The following ITGBL1 variants were observed in gnomAD, a reference collection of about 807,000 sequenced individuals.
ITGBL1 encodes integrin beta-like protein 1.
Under a neutral mutation model 68.5 loss-of-function variants are expected in ITGBL1, and 51 were observed. The observed-to-expected ratio is 0.74, with a 90% CI of 0.59 to 0.94. The LOEUF is 0.94. ITGBL1 is among the 40% of genes least tolerant of loss of function. The pLI is 0.00. For synonymous variants in ITGBL1, 209 were observed against 227.3 expected (o/e 0.92, Z 0.72); for missense variants, 649 against 647.4 (o/e 1.00, Z -0.03).
chr13:101,502,500 T>C (rs8002643), intron 2 of ITGBL1, among the ~76,000 whole-genome samples: 96,751 of 151,998 alleles, frequency 0.64, 31,177 homozygotes, highest in South Asian at 0.7. Flanking sequence ...TTCAGAATGG[T>C]CTCTTAGGTA....
At chr13:101,613,866 G>T (rs1454663860) in intron 7 of ITGBL1, among the ~76,000 whole-genome samples, 1 of 152,154 alleles carries the variant, frequency 6.6e-6, no homozygotes, top group East Asian at 1.9e-4. Context: ...TCACCACTCT[G>T]CAGGGTTGTA....
At chr13:101,717,677 T>A (rs1290171017), downstream of ITGBL1, 2 of 152,108 alleles carry the variant, frequency 1.3e-5, no homozygotes, top group African/African-American at 4.8e-5. Flanking sequence ...TTTGTTGGTT[T>A]CTGTTTAATA....
chr13:101,594,831 T>C (rs2050715745), intron 6 of ITGBL1, among the ~76,000 whole-genome samples: 1 of 152,156 alleles, frequency 6.6e-6, no homozygotes, highest in Non-Finnish European at 1.5e-5. Context: ...CCCAGCACTT[T>C]GGGAGGCCGA....
chr13:101,600,879 G>A (rs1353415978), intron 7 of ITGBL1, among the ~76,000 whole-genome samples: 1 of 152,152 alleles, frequency 6.6e-6, no homozygotes, highest in Non-Finnish European at 1.5e-5. Context: ...TGTTCATCAG[G>A]GATATTGGTC....
At chr13:101,570,084 T>C (rs1470754804) in intron 3 of ITGBL1, among the ~76,000 whole-genome samples, 1 of 152,170 alleles carries the variant, frequency 6.6e-6, no homozygotes, top group Admixed American at 6.5e-5. Context: ...TAGTTGGCAC[T>C]CAGTATTCCA....
intron 2 of ITGBL1, among the ~76,000 whole-genome samples, chr13:101,552,991 G>T (rs1298230676): frequency 6.6e-6 from 1 of 152,306 alleles, no homozygotes; most frequent in East Asian, 1.9e-4. Flanking sequence ...CAGCCCACTG[G>T]AATTCAGTGA....
chr13:101,455,915 A>G (rs2048237248), intron 2 of ITGBL1, among the ~76,000 whole-genome samples: 1 of 152,154 alleles, frequency 6.6e-6, no homozygotes, highest in Non-Finnish European at 1.5e-5. Flanking sequence ...TAGAGAAGTA[A>G]GAGGTAAGAT....
At chr13:101,474,597 G>T (rs953582263) in intron 2 of ITGBL1, among the ~76,000 whole-genome samples, 1 of 152,142 alleles carries the variant, frequency 6.6e-6, no homozygotes, top group African/African-American at 2.4e-5. Flanking sequence ...AGGCAGTGTG[G>T]TTGCTATGAG....
chr13:101,600,246 G>A (rs373266769), intron 7 of ITGBL1, among the ~76,000 whole-genome samples: 38 of 147,390 alleles, frequency 2.6e-4, no homozygotes, highest in South Asian at 1.1e-3. Context: ...TTTGTCTGTT[G>A]TTGGTGTATA....
chr13:101,482,425 T>C (rs2048638990), intron 2 of ITGBL1, among the ~76,000 whole-genome samples: 1 of 152,020 alleles, frequency 6.6e-6, no homozygotes. Context: ...CCATTTAAAT[T>C]TGTCAATAAT....
intron 7 of ITGBL1, among the ~76,000 whole-genome samples, chr13:101,626,153 A>G (rs1307695762): frequency 6.6e-6 from 1 of 151,662 alleles, no homozygotes; most frequent in African/African-American, 2.4e-5. Flanking sequence ...CTTCAGACCC[A>G]GTTAATCAGA....
intron 2 of ITGBL1, among the ~76,000 whole-genome samples, chr13:101,524,121 T>C (rs1201749048): frequency 8.2e-6 from 1 of 121,716 alleles, no homozygotes; most frequent in African/African-American, 2.8e-5. Flanking sequence ...AAACAAACTT[T>C]TTTTTTAATT....
intron 7 of ITGBL1, among the ~76,000 whole-genome samples, chr13:101,683,107 T>C (rs2033680086): frequency 6.6e-6 from 1 of 152,066 alleles, no homozygotes. Context: ...TTATGAATCA[T>C]ATAAAGTAAT....
At chr13:101,708,818 G>A (rs73564277) in intron 9 of ITGBL1, among the ~76,000 whole-genome samples, 2,720 of 152,348 alleles carry the variant, frequency 0.018, 89 homozygotes, top group African/African-American at 0.061. Context: ...AGGAGGCCAT[G>A]CCATCAACCT....
intron 7 of ITGBL1, among the ~76,000 whole-genome samples, chr13:101,614,120 A>G (rs910058321): frequency 6.6e-6 from 1 of 152,038 alleles, no homozygotes; most frequent in Non-Finnish European, 1.5e-5. Flanking sequence ...ACAATGAACC[A>G]CCTTAGGCAC....
chr13:101,604,844 C>CAA lies in ITGBL1; in HGVS notation c.1015+6546_1015+6547dup, dbSNP rs1423683714. Among the ~76,000 whole-genome samples, 8 of 32,256 alleles carry CAA rather than the reference C, an allele frequency of 2.5e-4. No individual in the cohort carries two copies. The South Asian group carries it at 8.9e-3, about 36-fold the overall frequency. 21.2% of individuals were successfully genotyped at this position (32,256 alleles called of 152,430 possible). A position where few individuals can be genotyped will look rare whatever the true frequency, so the allele number is the denominator to read the frequency against. On this transcript the variant is annotated intron_variant, in intron 7 of 10. Coordinates refer to ENST00000376180, the MANE Select transcript of ITGBL1 (RefSeq NM_004791.3). The stretch of plus-strand genomic sequence containing the variant: ...AAGTTTGTCAGGGACCAGGTGAAGG[C>CAA]AATATATATATATATATATATATAT...
chr13:101,709,967 C>G (rs2034387481), intron 9 of ITGBL1, among the ~76,000 whole-genome samples: 1 of 152,158 alleles, frequency 6.6e-6, no homozygotes, highest in African/African-American at 2.4e-5. Flanking sequence ...TCTCATCTTT[C>G]AGCATCATAA....
intron 2 of ITGBL1, among the ~76,000 whole-genome samples, chr13:101,543,629 G>C (rs866863550): frequency 3.9e-5 from 6 of 152,126 alleles, no homozygotes; most frequent in Admixed American, 3.3e-4. Context: ...GGGAAGTTCT[G>C]CTGGATAATA....
intron 2 of ITGBL1, among the ~76,000 whole-genome samples, chr13:101,479,558 A>G (rs2048586361): frequency 6.6e-6 from 1 of 152,210 alleles, no homozygotes; most frequent in Non-Finnish European, 1.5e-5. Context: ...CAAACTATTC[A>G]TTTGACAAGA....
Sources: gnomAD v4.1 joint callset for allele counts (sites outside exome capture counted in the v4.1 genomes callset) on GRCh38, gnomAD v4.1.1 for gene constraint, MANE v1.5 for transcripts, NCBI Gene and HGNC (gene_info 2026-07-23, HGNC 2026-07-21) for gene names.